The following PTPRD variants were observed in gnomAD, a reference collection of about 807,000 sequenced individuals.
PTPRD encodes receptor-type tyrosine-protein phosphatase delta.
Under a neutral mutation model 214.5 loss-of-function variants are expected in PTPRD, and 34 were observed. That is an observed-to-expected ratio of 0.16 (90% CI 0.12 to 0.21). PTPRD has a LOEUF of 0.21. Ranked by LOEUF, PTPRD falls within the 10% of genes least tolerant of loss-of-function variation. The pLI is 1.00. For missense variants in PTPRD, 2,545 were observed against 2,398.7 expected, an observed-to-expected ratio of 1.06 and a Z score of -1.27; for synonymous variants, 1,128 against 845.7, an observed-to-expected ratio of 1.33 and a Z score of -5.79.
At chr9:9,047,888 C>G (rs1168065979) in intron 10 of PTPRD, among the ~76,000 whole-genome samples, 1 of 151,998 alleles carries the variant, frequency 6.6e-6, no homozygotes, top group Non-Finnish European at 1.5e-5. Flanking sequence ...ATTGGATCAC[C>G]TCAGGTTAAA....
chr9:9,703,150 G>T (rs937667366), intron 7 of PTPRD, among the ~76,000 whole-genome samples: 2 of 151,970 alleles, frequency 1.3e-5, no homozygotes, highest in Non-Finnish European at 2.9e-5. Context: ...AAATCTGATG[G>T]TTTTATACAT....
Position 10,202,671 on chromosome 9 carries a change from G to GAGATATATATATATATATATATAT in PTPRD, c.-545+138291_-545+138292insATATATATATATATATATATATCT, listed in dbSNP as rs376695815. On this transcript the variant is annotated intron_variant, in intron 3 of 45. Coordinates refer to ENST00000381196, the MANE Select transcript of PTPRD (RefSeq NM_002839.4). ...GATGCCTACTTATAAAAATTATATG[G>GAGATATATATATATATATATATAT]ATATATATATATATATATATATATA... is the stretch of plus-strand genomic sequence containing the variant. 1.3e-4 allele frequency among the ~76,000 whole-genome samples: 15 copies of GAGATATATATATATATATATATAT among 113,112 alleles called. 1 individual carries two copies. Among genetic ancestry groups the GAGATATATATATATATATATATAT allele is most frequent in the African/African-American group, 5.3e-4 (15 of 28,188 alleles). The allele number at this position is 113,112 out of a possible 152,430, so 74.2% of individuals were successfully genotyped here. A position where few individuals can be genotyped will look rare whatever the true frequency, so the allele number is the denominator to read the frequency against.
At chr9:10,210,567 C>T (rs1203599541) in intron 3 of PTPRD, among the ~76,000 whole-genome samples, 1 of 151,188 alleles carries the variant, frequency 6.6e-6, no homozygotes, top group Non-Finnish European at 1.5e-5. Context: ...GTTATAAGTC[C>T]TCAATAAAGT....
At chr9:9,082,306 T>C (rs1032898707) in intron 10 of PTPRD, among the ~76,000 whole-genome samples, 2 of 152,084 alleles carry the variant, frequency 1.3e-5, no homozygotes, top group Non-Finnish European at 2.9e-5. Context: ...GTTCAACATA[T>C]GCCAATCAAT....
intron 5 of PTPRD, among the ~76,000 whole-genome samples, chr9:9,871,439 C>A (rs1398848028): frequency 6.6e-6 from 1 of 152,168 alleles, no homozygotes; most frequent in Non-Finnish European, 1.5e-5. Context: ...CTGCAATATC[C>A]TCTCTGGTTT....
chr9:10,100,560 G>A (rs149880816), intron 3 of PTPRD, among the ~76,000 whole-genome samples: 180 of 151,524 alleles, frequency 1.2e-3, no homozygotes, highest in Non-Finnish European at 2.1e-3. Flanking sequence ...GCAACCACAG[G>A]GAATATGCAA....
intron 12 of PTPRD, among the ~76,000 whole-genome samples, chr9:8,664,547 G>A (rs1035839844): frequency 1.3e-5 from 2 of 152,114 alleles, no homozygotes; most frequent in Non-Finnish European, 2.9e-5. Context: ...TGATAGATCA[G>A]CCAAGTGGCA....
rs149397618 is a variant in PTPRD, at chr9:8,342,068, A to G, written c.4662-90T>C. 8,826 of 1,293,824 alleles carry G rather than the reference A, an allele frequency of 6.8e-3. 63 individuals are homozygous for G. Among genetic ancestry groups the G allele is most frequent in the Non-Finnish European group, 7.2e-3 (7,061 of 975,568 alleles). 80.1% of individuals were successfully genotyped at this position (1,293,824 alleles called of 1,614,324 possible). On this transcript the variant is annotated intron_variant, in intron 39 of 45. Transcript: ENST00000381196. ...TATTTTTATTATTCTTATTAACTAG[A>G]CCTTACATCCATTACTTCTACTCAA...
At chr9:8,342,590 G>C (rs930113486) in intron 39 of PTPRD, among the ~76,000 whole-genome samples, 2 of 152,016 alleles carry the variant, frequency 1.3e-5, no homozygotes, top group African/African-American at 2.4e-5. Flanking sequence ...TATATAATAG[G>C]TGTATATTAC....
chr9:9,742,915 C>G (rs919117890), intron 6 of PTPRD, among the ~76,000 whole-genome samples: 4 of 152,098 alleles, frequency 2.6e-5, no homozygotes, highest in Non-Finnish European at 5.9e-5. Flanking sequence ...CATAGAGAGA[C>G]CTAAAATCAA....
At chr9:8,925,129 A>G (rs532672539) in intron 11 of PTPRD, among the ~76,000 whole-genome samples, 1 of 152,240 alleles carries the variant, frequency 6.6e-6, no homozygotes, top group African/African-American at 2.4e-5. Flanking sequence ...TTCTCTTCTT[A>G]CATTATATTT....
chr9:8,710,364 C>A (rs2098305897), intron 12 of PTPRD, among the ~76,000 whole-genome samples: 1 of 152,152 alleles, frequency 6.6e-6, no homozygotes, highest in Non-Finnish European at 1.5e-5. Flanking sequence ...TGCCTGTAAT[C>A]CTAGCACTCT....
At chr9:10,461,603 T>A (rs562694605) in intron 2 of PTPRD, among the ~76,000 whole-genome samples, 65 of 151,652 alleles carry the variant, frequency 4.3e-4, no homozygotes, top group Middle Eastern at 3.5e-3. Flanking sequence ...TGTTGCATGA[T>A]CTTCCTTGCA....
rs749823711 is a variant in PTPRD, at chr9:8,525,078, A to C, written c.569-43T>G. ...ATATTGCCAAAGAGATGATCAGAGA[A>C]GGCTTTCTCAGTTCAGAAAGCTAAA... is the stretch of plus-strand genomic sequence containing the variant. On this transcript the variant is annotated intron_variant, in intron 17 of 45. Transcript: ENST00000381196. 15 of 1,521,028 alleles carry C rather than the reference A, an allele frequency of 9.9e-6. No homozygotes were observed. In the South Asian group the frequency reaches 1.6e-4, roughly 16 times the overall value. 94.2% of individuals were successfully genotyped at this position (1,521,028 alleles called of 1,614,324 possible).
chr9:9,572,136 T>A (rs77475162), intron 8 of PTPRD, among the ~76,000 whole-genome samples: 5,940 of 151,346 alleles, frequency 0.039, 403 homozygotes, highest in African/African-American at 0.14. Flanking sequence ...AATGAGAAAA[T>A]CCACCAAAGA....
intron 11 of PTPRD, among the ~76,000 whole-genome samples, chr9:8,845,817 T>C (rs918168802): frequency 2.5e-4 from 38 of 152,154 alleles, no homozygotes; most frequent in Non-Finnish European, 2.5e-4. Context: ...CTCTTGTGAG[T>C]CTGGCTTGCC....
chr9:9,154,508 G>T (rs184797033), intron 10 of PTPRD, among the ~76,000 whole-genome samples: 2 of 152,118 alleles, frequency 1.3e-5, no homozygotes, highest in Admixed American at 6.6e-5. Context: ...TTCTCATAAA[G>T]ATATGAACCT....
chr9:9,016,469 A>T (rs1270935510), intron 11 of PTPRD, among the ~76,000 whole-genome samples: 2 of 152,084 alleles, frequency 1.3e-5, no homozygotes, highest in Admixed American at 1.3e-4. Context: ...TTGATTTGAG[A>T]TTTACATGAG....
intron 14 of PTPRD, among the ~76,000 whole-genome samples, chr9:8,575,866 C>T (rs757862081): frequency 6.6e-6 from 1 of 152,164 alleles, no homozygotes; most frequent in Non-Finnish European, 1.5e-5. Flanking sequence ...GCACAGGGTA[C>T]CAAAGATGCA....
Sources: allele counts gnomAD v4.1 joint callset (sites outside exome capture counted in the v4.1 genomes callset), GRCh38; gene constraint gnomAD v4.1.1; transcripts MANE v1.5; gene names NCBI Gene and HGNC (gene_info 2026-07-23, HGNC 2026-07-21).